GRM7: variants seen among roughly 807,000 people sequenced by gnomAD.
GRM7 encodes glutamate metabotropic receptor 7.
GRM7 carries 35 observed loss-of-function variants against 84.5 expected under a neutral mutation model. That is an observed-to-expected ratio of 0.41 (90% CI 0.32 to 0.55). GRM7 has a LOEUF of 0.55. Among genes scored for constraint, GRM7 ranks in the 20% least tolerant of loss-of-function variants. The pLI is 0.19. For missense variants in GRM7, 1,003 were observed against 1,194.6 expected (o/e 0.84, Z 2.36); for synonymous variants, 487 against 455.1 (o/e 1.07, Z -0.89).
intron 1 of GRM7, among the ~76,000 whole-genome samples, chr3:6,944,325 C>A (rs1176028583): frequency 2.0e-5 from 3 of 152,060 alleles, no homozygotes; most frequent in African/African-American, 7.2e-5. Flanking sequence ...TTCATAGATA[C>A]CCTTTATGAG....
chr3:7,421,601 T>G (rs1696396155), intron 5 of GRM7, among the ~76,000 whole-genome samples: 1 of 151,956 alleles, frequency 6.6e-6, no homozygotes, highest in East Asian at 1.9e-4. Context: ...TCGGCGTGCA[T>G]GATTTTTCAC....
In GRM7 at chr3:7,445,667, T is replaced by C. The variant is rs529874429; in HGVS notation, c.1175-6940T>C. 6.6e-5 allele frequency among the ~76,000 whole-genome samples: 10 copies of C among 152,334 alleles called. No homozygotes were observed. The South Asian group carries it at 1.9e-3, about 28-fold the overall frequency. ...TTCTCACAAGGCCATAGGATTTTAC[T>C]CTGGGATTCTCTAAATGTGGACACT... On this transcript the variant is annotated intron_variant, in intron 5 of 9. Coordinates refer to ENST00000357716, the MANE Select transcript of GRM7 (RefSeq NM_000844.4).
At chr3:7,431,896 A>C (rs942553536) in intron 5 of GRM7, among the ~76,000 whole-genome samples, 5 of 151,116 alleles carry the variant, frequency 3.3e-5, no homozygotes, top group African/African-American at 1.2e-4. Context: ...AATGCTAACT[A>C]TTAAGGTTTA....
At position 7,067,570 on chromosome 3, in the gene GRM7, G is replaced by A. The variant is rs1221869060; in HGVS notation, c.520-78882G>A. On this transcript the variant is annotated intron_variant, in intron 1 of 9. Coordinates refer to ENST00000357716, the MANE Select transcript of GRM7 (RefSeq NM_000844.4). Reference sequence around the variant, plus strand: ...CACATCCCATGCTCATGGATTTGCTGTTTTTAATGCATGACTCCCAGGAAT... The same window carrying A: ...CACATCCCATGCTCATGGATTTGCTATTTTTAATGCATGACTCCCAGGAAT... 4.6e-5 allele frequency among the ~76,000 whole-genome samples: 7 copies of A among 152,036 alleles called. No individual in the cohort carries two copies. The Admixed American group carries it at 4.6e-4, about 10-fold the overall frequency.
intron 1 of GRM7, among the ~76,000 whole-genome samples, chr3:6,953,991 G>A (rs75394600): frequency 3.9e-3 from 597 of 152,266 alleles, no homozygotes; most frequent in African/African-American, 0.013. Context: ...AAATATTTAA[G>A]TGCCCTCCTT....
At chr3:7,361,216 G>A (rs1693647307) in intron 4 of GRM7, among the ~76,000 whole-genome samples, 2 of 152,038 alleles carry the variant, frequency 1.3e-5, no homozygotes, top group Non-Finnish European at 2.9e-5. Flanking sequence ...CAAACAATAA[G>A]TGTTTCTTTT....
chr3:7,083,922 G>A (rs1270346479), intron 1 of GRM7, among the ~76,000 whole-genome samples: 1 of 152,104 alleles, frequency 6.6e-6, no homozygotes, highest in Non-Finnish European at 1.5e-5. Context: ...CAATGAGGTG[G>A]GAATGTGTTT....
intron 1 of GRM7, among the ~76,000 whole-genome samples, chr3:6,996,922 C>T (rs1694846655): frequency 6.6e-6 from 1 of 152,190 alleles, no homozygotes; most frequent in Non-Finnish European, 1.5e-5. Flanking sequence ...GAAAAACATC[C>T]ATGCAATTCC....
chr3:7,532,301 T>A (rs1701068575), intron 7 of GRM7, among the ~76,000 whole-genome samples: 1 of 152,276 alleles, frequency 6.6e-6, no homozygotes, highest in Admixed American at 6.5e-5. Flanking sequence ...ATTTCAGAAC[T>A]TGTTATTGGT....
intron 8 of GRM7, among the ~76,000 whole-genome samples, chr3:7,595,182 T>C (rs1281827510): frequency 2.8e-4 from 42 of 152,140 alleles, no homozygotes; most frequent in Non-Finnish European, 7.4e-5. Context: ...ACATAGTAAT[T>C]GGATAAAGCT....
intron 2 of GRM7, among the ~76,000 whole-genome samples, chr3:7,184,404 AAT>A (rs995504948): frequency 2.0e-5 from 3 of 151,444 alleles, no homozygotes; most frequent in East Asian, 1.9e-4. Flanking sequence ...AATAAAAATA[AAT>A]ATGTTAAAAT....
intron 4 of GRM7, among the ~76,000 whole-genome samples, chr3:7,342,143 G>A (rs1481542282): frequency 1.3e-5 from 2 of 152,040 alleles, no homozygotes; most frequent in African/African-American, 4.8e-5. Context: ...ACTTTCTTGA[G>A]GGACACTGGA....
chr3:7,661,231 C>T (rs1456468166), intron 8 of GRM7, among the ~76,000 whole-genome samples: 1 of 152,046 alleles, frequency 6.6e-6, no homozygotes, highest in Non-Finnish European at 1.5e-5. Context: ...ATATTTGAAT[C>T]AAAAAACCCT....
intron 1 of GRM7, among the ~76,000 whole-genome samples, chr3:6,947,035 G>A (rs146476737): frequency 0.09 from 13,753 of 152,052 alleles, 635 homozygotes; most frequent in Middle Eastern, 0.11. Context: ...CTAATTGAAT[G>A]CCCTTTATTT....
chr3:6,942,272 G>A (rs1330658477), intron 1 of GRM7, among the ~76,000 whole-genome samples: 1 of 151,892 alleles, frequency 6.6e-6, no homozygotes, highest in Non-Finnish European at 1.5e-5. Flanking sequence ...TATATCTAAA[G>A]GGCTTATTTT....
At chr3:7,346,882 A>T (rs1257608406) in intron 4 of GRM7, among the ~76,000 whole-genome samples, 1 of 152,118 alleles carries the variant, frequency 6.6e-6, no homozygotes, top group Non-Finnish European at 1.5e-5. Flanking sequence ...TTACCACAAG[A>T]TTGTGTATCT....
At chr3:6,951,521 C>G (rs1692763465) in intron 1 of GRM7, among the ~76,000 whole-genome samples, 1 of 152,042 alleles carries the variant, frequency 6.6e-6, no homozygotes, top group Admixed American at 6.6e-5. Context: ...TTTAATTTCC[C>G]TTGTGATTTC....
At chr3:7,058,911 C>A (rs1426940908) in intron 1 of GRM7, among the ~76,000 whole-genome samples, 1 of 151,866 alleles carries the variant, frequency 6.6e-6, no homozygotes, top group Non-Finnish European at 1.5e-5. Flanking sequence ...GTAAAAACAT[C>A]TTCAAATAAG....
intron 2 of GRM7, among the ~76,000 whole-genome samples, chr3:7,294,716 A>G (rs1699756120): frequency 6.6e-6 from 1 of 152,128 alleles, no homozygotes; most frequent in African/African-American, 2.4e-5. Context: ...CGTGGGCCCT[A>G]AGCTAGCAGC....
Sources: allele counts gnomAD v4.1 joint callset (sites outside exome capture counted in the v4.1 genomes callset), GRCh38; gene constraint gnomAD v4.1.1; transcripts MANE v1.5; gene names NCBI Gene and HGNC (gene_info 2026-07-23, HGNC 2026-07-21).